FTO: variants seen among roughly 807,000 people sequenced by gnomAD.
The protein encoded by FTO is alpha-ketoglutarate-dependent dioxygenase FTO.
FTO carries 47 observed loss-of-function variants against 63.9 expected under a neutral mutation model. That is an observed-to-expected ratio of 0.74 (90% CI 0.58 to 0.94). The LOEUF (loss-of-function observed/expected upper bound fraction) is 0.94. FTO is among the 40% of genes least tolerant of loss of function. FTO has a pLI of 0.00. For missense variants in FTO, 562 were observed against 618.1 expected (o/e 0.91, Z 0.96); for synonymous variants, 207 against 224.4 (o/e 0.92, Z 0.69).
At chr16:53,986,166 C>G (rs571537827) in intron 8 of FTO, among the ~76,000 whole-genome samples, 3 of 152,338 alleles carry the variant, frequency 2.0e-5, no homozygotes, top group African/African-American at 7.2e-5. Flanking sequence ...TCTAACACTT[C>G]ATAAGTTCAA....
At chr16:53,851,954 A>T (rs1285833686) in intron 4 of FTO, among the ~76,000 whole-genome samples, 2 of 152,012 alleles carry the variant, frequency 1.3e-5, no homozygotes, top group Non-Finnish European at 2.9e-5. Context: ...TTAAACATAT[A>T]TATACTTGTA....
At chr16:53,829,632 G>A (rs1213546620) in intron 3 of FTO, among the ~76,000 whole-genome samples, 2 of 152,246 alleles carry the variant, frequency 1.3e-5, no homozygotes, top group Admixed American at 6.5e-5. Flanking sequence ...GTCATAGAGA[G>A]TGGACACTTC....
chr16:53,748,497 C>T (rs978885758), intron 1 of FTO, among the ~76,000 whole-genome samples: 14 of 152,070 alleles, frequency 9.2e-5, no homozygotes, highest in Non-Finnish European at 1.6e-4. Context: ...CTCTGTCACC[C>T]AGGCAGGAGT....
chr16:53,989,057 G>A (rs1427880933), intron 8 of FTO, among the ~76,000 whole-genome samples: 1 of 152,004 alleles, frequency 6.6e-6, no homozygotes, highest in African/African-American at 2.4e-5. Context: ...TAAGTAAAGG[G>A]GTATGGCTAA....
chr16:53,921,934 G>A (rs1280032023), intron 7 of FTO, among the ~76,000 whole-genome samples: 1 of 152,074 alleles, frequency 6.6e-6, no homozygotes, highest in Admixed American at 6.6e-5. Context: ...TGAGGTAACA[G>A]CGAGCTAGAG....
At chr16:54,111,114 C>T (rs1243250492) in intron 8 of FTO, among the ~76,000 whole-genome samples, 1 of 152,148 alleles carries the variant, frequency 6.6e-6, no homozygotes, top group East Asian at 1.9e-4. Flanking sequence ...AAGTGTTTTC[C>T]TTAGGGACTA....
Position 53,933,989 on chromosome 16 carries a change from A to G in FTO, c.1244A>G (p.Asn415Ser). The change falls in exon 8 of 9, where the codon AAT (asparagine) becomes AGT (serine). Residue 415 changes from asparagine (N) to serine (S), a missense_variant. Asn to Ser is a conservative substitution (Grantham distance 46, BLOSUM62 1). Transcript: ENST00000471389. ...ALWKKMEGVTNAVLHEVKREG... is the reference protein window; with the variant it reads ...ALWKKMEGVTSAVLHEVKREG... ...GTTTTGGATCATTTCTTGTAGACAA[A>G]TGCTGTGCTTCATGAAGTTAAAAGA... The G allele has an allele frequency of 6.2e-7, 1 of 1,613,930 alleles. No homozygotes were observed.
intron 3 of FTO, among the ~76,000 whole-genome samples, chr16:53,841,033 G>A (rs1010136531): frequency 1.8e-5 from 2 of 111,660 alleles, no homozygotes; most frequent in East Asian, 2.4e-4. Context: ...GTATTTTCAA[G>A]TGTAACAGTA....
At chr16:54,062,571 G>A (rs2144396653) in intron 8 of FTO, among the ~76,000 whole-genome samples, 1 of 152,280 alleles carries the variant, frequency 6.6e-6, no homozygotes, top group South Asian at 2.1e-4. Flanking sequence ...AGAGACCTCG[G>A]AAGCTGCTGT....
At chr16:54,079,760 G>A (rs1262804112) in intron 8 of FTO, among the ~76,000 whole-genome samples, 16 of 152,160 alleles carry the variant, frequency 1.1e-4, no homozygotes, top group African/African-American at 3.6e-4. Flanking sequence ...AGGCAGTCGC[G>A]ACTCGGCTCT....
At chr16:53,773,686 G>A (rs888300221) in intron 1 of FTO, among the ~76,000 whole-genome samples, 14 of 152,106 alleles carry the variant, frequency 9.2e-5, no homozygotes, top group East Asian at 5.8e-4. Flanking sequence ...ACTAGTTTTC[G>A]CACATTTGTT....
rs116013044 is a variant in FTO, at chr16:53,943,336, A to G, written c.1364+9227A>G. ...ACAGTTTTATGGGGGACAAAAGCCA[A>G]TTGACTTCTGTGCATCTTATTTATA... On this transcript the variant is annotated intron_variant, in intron 8 of 8. Transcript: ENST00000471389. 1.8e-3 allele frequency among the ~76,000 whole-genome samples: 272 copies of G among 152,308 alleles called. 2 individuals are homozygous for G. The highest frequency in any genetic ancestry group is 5.8e-3 in the African/African-American group (243 of 41,570).
chr16:53,719,886 T>C (rs1236946295), intron 1 of FTO, among the ~76,000 whole-genome samples: 1 of 152,166 alleles, frequency 6.6e-6, no homozygotes. Flanking sequence ...TTATTCAGTA[T>C]TCTAATGATT....
intron 8 of FTO, among the ~76,000 whole-genome samples, chr16:53,947,664 A>G (rs1032457587): frequency 6.6e-6 from 1 of 152,228 alleles, no homozygotes; most frequent in South Asian, 2.1e-4. Context: ...TTAACAGGTT[A>G]TCTTATTGGG....
At chr16:54,027,689 C>T (rs1379166499) in intron 8 of FTO, among the ~76,000 whole-genome samples, 4 of 152,176 alleles carry the variant, frequency 2.6e-5, no homozygotes, top group Non-Finnish European at 5.9e-5. Flanking sequence ...AAAAAGCATG[C>T]AAGTTCTGCT....
chr16:53,891,723 T>G (rs986061569), intron 7 of FTO, among the ~76,000 whole-genome samples: 1 of 152,216 alleles, frequency 6.6e-6, no homozygotes, highest in Non-Finnish European at 1.5e-5. Context: ...GTGATATTCA[T>G]TATGAATTCA....
At chr16:54,084,819 T>C (rs918029) in intron 8 of FTO, among the ~76,000 whole-genome samples, 96,050 of 151,636 alleles carry the variant, frequency 0.63, 31,509 homozygotes, top group African/African-American at 0.82. Flanking sequence ...TGGCATGACC[T>C]GCCATGCTGC....
intron 6 of FTO, among the ~76,000 whole-genome samples, chr16:53,884,499 C>T (rs955904236): frequency 1.1e-4 from 17 of 152,192 alleles, no homozygotes; most frequent in African/African-American, 3.4e-4. Flanking sequence ...AACTTCTTTC[C>T]GTTATTACAG....
At chr16:54,085,255 A>G (rs1340764796) in intron 8 of FTO, among the ~76,000 whole-genome samples, 2 of 152,190 alleles carry the variant, frequency 1.3e-5, no homozygotes, top group Non-Finnish European at 2.9e-5. Flanking sequence ...AGGCATGACA[A>G]TTCCAATTAT....
Sources: allele counts gnomAD v4.1 joint callset (sites outside exome capture counted in the v4.1 genomes callset), GRCh38; gene constraint gnomAD v4.1.1; transcripts MANE v1.5; gene names NCBI Gene and HGNC (gene_info 2026-07-23, HGNC 2026-07-21).